Variants in COG5 observed in about 807,000 individuals in gnomAD.
COG5 encodes the protein component of oligomeric golgi complex 5, also known as conserved oligomeric Golgi complex subunit 5.
A neutral mutation model predicts 110.4 loss-of-function variants in COG5; 86 were observed. That is an observed-to-expected ratio of 0.78 (90% CI 0.65 to 0.93). The LOEUF is 0.93. Among genes scored for constraint, COG5 ranks in the 40% least tolerant of loss-of-function variants. The pLI is 0.00. For synonymous variants in COG5, 360 were observed against 334.6 expected (o/e 1.08, Z -0.83); for missense variants, 1,077 against 987.0 (o/e 1.09, Z -1.22).
At chr7:107,411,208 C>T (rs921041959) in intron 7 of COG5, among the ~76,000 whole-genome samples, 50 of 152,158 alleles carry the variant, frequency 3.3e-4, no homozygotes, top group Admixed American at 2.6e-4. Flanking sequence ...GAGTCAAATC[C>T]AGCGGCCACT....
intron 11 of COG5, among the ~76,000 whole-genome samples, chr7:107,312,425 T>G (rs1464489339): frequency 6.6e-6 from 1 of 152,158 alleles, no homozygotes; most frequent in Non-Finnish European, 1.5e-5. Flanking sequence ...GTGGGCTAAG[T>G]GCTGAAATCG....
intron 6 of COG5, among the ~76,000 whole-genome samples, chr7:107,507,648 T>C (rs1308040863): frequency 3.9e-5 from 6 of 152,100 alleles, no homozygotes; most frequent in East Asian, 3.9e-4. Flanking sequence ...CAACATATTA[T>C]AGACATCTCA....
At chr7:107,347,426 T>C (rs566647458) in intron 10 of COG5, among the ~76,000 whole-genome samples, 25 of 152,190 alleles carry the variant, frequency 1.6e-4, no homozygotes, top group Non-Finnish European at 2.2e-4. Flanking sequence ...TAGGCATTCA[T>C]AGATTATTTT....
intron 21 of COG5, among the ~76,000 whole-genome samples, chr7:107,205,964 T>A (rs1042147074): frequency 2.3e-4 from 35 of 151,688 alleles, no homozygotes; most frequent in Non-Finnish European, 4.1e-4. Context: ...GTTTTTTTTT[T>A]TTTTTTATTT....
chr7:107,386,593 G>C (rs1397430833), intron 7 of COG5, among the ~76,000 whole-genome samples: 1 of 152,054 alleles, frequency 6.6e-6, no homozygotes, highest in Non-Finnish European at 1.5e-5. Flanking sequence ...GTTCATGATG[G>C]GACAACAGTT....
intron 8 of COG5, among the ~76,000 whole-genome samples, chr7:107,370,802 T>TTTTA (rs1554425113): frequency 7.0e-6 from 1 of 143,372 alleles, no homozygotes; most frequent in African/African-American, 2.6e-5. Flanking sequence ...AAAAAAAAAT[T>TTTTA]TATATATATA....
intron 14 of COG5, among the ~76,000 whole-genome samples, chr7:107,266,062 C>CAAT (rs897259516): frequency 4.6e-5 from 7 of 151,546 alleles, no homozygotes; most frequent in Admixed American, 2.0e-4. Flanking sequence ...ATAATAACAA[C>CAAT]AATAATAATA....
chr7:107,558,109 T>A lies in COG5; in HGVS notation c.101A>T (p.Tyr34Phe). ...TVRELLQDGC[Y>F]SDFLNEDFDV... Reference sequence around the variant, plus strand: ...AAAGTCTTCGTTTAAAAAGTCACTATAACACCCTGGATTGGGGAAAAAATA... The same window carrying A: ...AAAGTCTTCGTTTAAAAAGTCACTAAAACACCCTGGATTGGGGAAAAAATA... The change falls in exon 2 of 22, where the codon TAT (tyrosine) becomes TTT (phenylalanine). Residue 34 changes from tyrosine to phenylalanine, a missense_variant. Tyr to Phe is a conservative substitution (Grantham distance 22). Transcript: ENST00000297135. 6.2e-7 allele frequency: 1 copy of A among 1,613,764 alleles called. No homozygotes were observed. Among genetic ancestry groups the A allele is most frequent in the Non-Finnish European group, 8.5e-7 (1 of 1,179,846 alleles).
At chr7:107,435,669 A>T (rs1344519729) in intron 6 of COG5, among the ~76,000 whole-genome samples, 3 of 152,166 alleles carry the variant, frequency 2.0e-5, no homozygotes, top group Non-Finnish European at 2.9e-5. Context: ...AGAAAAAAGA[A>T]AAACTGAAAT....
rs538677992 is a variant in COG5, at chr7:107,249,529, T to C, written c.1750-1030A>G. On this transcript the variant is annotated intron_variant, in intron 16 of 21. Transcript: ENST00000297135. ...ACACGTAAAATCAAAAATGTAAATA[T>C]ATTATACACACTTCAAAGATAATAT... is the stretch of plus-strand genomic sequence containing the variant. 3.9e-5 allele frequency among the ~76,000 whole-genome samples: 6 copies of C among 152,146 alleles called. No individual in the cohort carries two copies. The South Asian group carries it at 8.3e-4, about 21-fold the overall frequency.
intron 6 of COG5, among the ~76,000 whole-genome samples, chr7:107,487,359 G>T (rs979837035): frequency 6.6e-6 from 1 of 151,978 alleles, no homozygotes; most frequent in African/African-American, 2.4e-5. Context: ...ATATGTGCTT[G>T]GCAAACAATT....
At chr7:107,518,353 G>C (rs1800088908) in intron 6 of COG5, among the ~76,000 whole-genome samples, 1 of 151,994 alleles carries the variant, frequency 6.6e-6, no homozygotes, top group Non-Finnish European at 1.5e-5. Context: ...AATTAAAAAG[G>C]TACAGACTGG....
At chr7:107,261,048 C>T (rs1803298444) in intron 14 of COG5, among the ~76,000 whole-genome samples, 4 of 151,886 alleles carry the variant, frequency 2.6e-5, no homozygotes, top group Admixed American at 2.6e-4. Flanking sequence ...CACCTAAATC[C>T]ACGCATATTC....
At chr7:107,548,603 T>C (rs1301770077) in intron 3 of COG5, among the ~76,000 whole-genome samples, 1 of 152,140 alleles carries the variant, frequency 6.6e-6, no homozygotes, top group Non-Finnish European at 1.5e-5. Context: ...ATGGAAAAGT[T>C]ATGGACCTAG....
chr7:107,492,675 T>C (rs919285568), intron 6 of COG5, among the ~76,000 whole-genome samples: 1 of 152,162 alleles, frequency 6.6e-6, no homozygotes, highest in Non-Finnish European at 1.5e-5. Context: ...GCAAATCAAG[T>C]ACTTCTCATG....
intron 11 of COG5, among the ~76,000 whole-genome samples, chr7:107,308,839 T>C (rs1174905240): frequency 6.6e-6 from 1 of 151,800 alleles, no homozygotes; most frequent in Non-Finnish European, 1.5e-5. Context: ...ACTAAAATTA[T>C]TCCATCTTTG....
intron 6 of COG5, among the ~76,000 whole-genome samples, chr7:107,486,142 T>G (rs942202410): frequency 6.6e-6 from 1 of 152,030 alleles, no homozygotes. Context: ...AAAAAAATTA[T>G]AATTTAATCC....
intron 6 of COG5, among the ~76,000 whole-genome samples, chr7:107,526,006 A>G (rs1800703750): frequency 6.6e-6 from 1 of 152,244 alleles, no homozygotes; most frequent in African/African-American, 2.4e-5. Flanking sequence ...ATGCTGTTGA[A>G]GCATTATTTG....
intron 7 of COG5, among the ~76,000 whole-genome samples, chr7:107,397,958 A>C (rs1791134880): frequency 6.6e-6 from 1 of 152,180 alleles, no homozygotes; most frequent in African/African-American, 2.4e-5. Flanking sequence ...AAAGGTGCTC[A>C]AAAAACTGAC....
Sources: gnomAD v4.1 joint callset for allele counts (sites outside exome capture counted in the v4.1 genomes callset) on GRCh38, gnomAD v4.1.1 for gene constraint, MANE v1.5 for transcripts, NCBI Gene and HGNC (gene_info 2026-07-23, HGNC 2026-07-21) for gene names.